FAAP100: variants seen among roughly 807,000 people sequenced by gnomAD.
The protein encoded by FAAP100 is FA core complex associated protein 100.
A neutral mutation model predicts 65.8 loss-of-function variants in FAAP100; 46 were observed. The observed-to-expected ratio is 0.70, with a 90% CI of 0.55 to 0.89. The LOEUF (loss-of-function observed/expected upper bound fraction) is 0.89, where lower values mean the gene tolerates loss of function less well. Among genes scored for constraint, FAAP100 ranks in the 40% least tolerant of loss-of-function variants. The probability of loss-of-function intolerance (pLI) is 0.00; values close to 1 mark genes in which losing one functional copy is unlikely to be tolerated. For missense variants in FAAP100, 1,165 were observed against 1,196.7 expected, an observed-to-expected ratio of 0.97 and a Z score of 0.39; for synonymous variants, 663 against 555.1, an observed-to-expected ratio of 1.19 and a Z score of -2.73.
intron 2 of FAAP100, chr17:81,551,671 A>G (rs2033500171): frequency 7.7e-7 from 1 of 1,300,274 alleles, no homozygotes; most frequent in Non-Finnish European, 9.8e-7. Context: ...CCGGGCCACC[A>G]GGGCCCAAAG....
intron 4 of FAAP100, 49 bp downstream of exon 4, chr17:81,549,157 C>A (rs772488946): frequency 6.2e-7 from 1 of 1,601,036 alleles, no homozygotes; most frequent in Admixed American, 1.7e-5. Flanking sequence ...ACGCTACCTC[C>A]CAAGGATGGC....
At chr17:81,545,678 C>T in intron 6 of FAAP100, 68 bp downstream of exon 6, 2 of 1,542,134 alleles carry the variant, frequency 1.3e-6, no homozygotes, top group Non-Finnish European at 1.8e-6. Flanking sequence ...TCCTCCCGAG[C>T]TCCGGCCCAG....
chr17:81,552,307 G>C lies in FAAP100; in HGVS notation c.24C>G (p.Val8=). The C allele has an allele frequency of 5.6e-6, 8 of 1,422,124 alleles. No homozygotes were observed. Among genetic ancestry groups the C allele is most frequent in the Non-Finnish European group, 7.3e-6 (8 of 1,097,024 alleles). 88.1% of individuals were successfully genotyped at this position (1,422,124 alleles called of 1,614,324 possible). The stretch of plus-strand genomic sequence containing the variant: ...GGCAGCAGAAGCCCGCCAGGTAGCG[G>C]ACCCGCGGCGCGGCGCCGGCCATCG... The part of the protein sequence containing the change: MAGAAPR[V]RYLAGFCCPL... Residue 8 remains valine, a synonymous_variant, in exon 1 of 9, where the codon GTC becomes GTG. Transcript: ENST00000327787.
chr17:81,547,067 G>C lies in FAAP100; in HGVS notation c.2015C>G (p.Thr672Ser), dbSNP rs1458430659. The change falls in exon 5 of 9, where the codon ACC (threonine) becomes AGC (serine). Residue 672 changes from threonine to serine, a missense_variant. Transcript: ENST00000327787. ...CAGAAAAGTGGCCACAGGGTCTCGGGTGGGGCCGAGTGGGGAGGGGGCCCG... is the reference window on the plus strand; with the variant it reads ...CAGAAAAGTGGCCACAGGGTCTCGGCTGGGGCCGAGTGGGGAGGGGGCCCG... ...HTRAPSPLGP[T>S]RDPVATFLET... 2 of 1,543,164 alleles carry C rather than the reference G, an allele frequency of 1.3e-6. No individual in the cohort carries two copies. Among genetic ancestry groups the C allele is most frequent in the South Asian group, 2.4e-5 (2 of 82,010 alleles).
At chr17:81,541,501 C>G in intron 7 of FAAP100, 106 bp from the exon 8 acceptor site, 3 of 966,494 alleles carry the variant, frequency 3.1e-6, no homozygotes, top group Non-Finnish European at 4.8e-6. Flanking sequence ...TGCTGCCTCC[C>G]TGCCTGGCAC....
At position 81,545,806 on chromosome 17, in the gene FAAP100, T is replaced by C; in HGVS notation, c.2250A>G (p.Ala750=). The C allele has an allele frequency of 1.2e-6, 2 of 1,612,316 alleles. No individual in the cohort carries two copies. The highest frequency in any genetic ancestry group is 1.3e-5 in the African/African-American group (1 of 75,030). The change falls in exon 6 of 9, where the codon GCA becomes GCG. Residue 750 remains alanine, a synonymous_variant. Coordinates refer to ENST00000327787, the MANE Select transcript of FAAP100 (RefSeq NM_025161.6). ...NAAVDVVRAR[A]LSSIQGVAPD... Reference sequence around the variant, plus strand: ...GGGCCACTCCCTGGATGGAAGATAGTGCTCGGGCCCTCACGACGTCCACAG... The same window carrying C: ...GGGCCACTCCCTGGATGGAAGATAGCGCTCGGGCCCTCACGACGTCCACAG...
At chr17:81,552,470 C>A (rs369746215), upstream of FAAP100, 1 of 794,060 alleles carries the variant, frequency 1.3e-6, no homozygotes, top group African/African-American at 1.8e-5. Flanking sequence ...CCGGAAAGGA[C>A]GCGCTGCAGG....
intron 7 of FAAP100, among the ~76,000 whole-genome samples, chr17:81,543,410 T>TGACGGATGCCTTCCCGCGGGCAC (rs1451908144): frequency 1.3e-5 from 2 of 152,174 alleles, no homozygotes; most frequent in South Asian, 2.1e-4. Context: ...CGGGCGGGCG[T>TGACGGATGCCTTCCCGCGGGCAC]GACGGATGCC....
chr17:81,550,186 G>C, intron 3 of FAAP100, 62 bp downstream of exon 3: 1 of 1,454,066 alleles, frequency 6.9e-7, no homozygotes, highest in East Asian at 2.3e-5. Flanking sequence ...GATAGTAGCA[G>C]ACAGCCAAAA....
Position 81,545,775 on chromosome 17 carries a change from C to A in FAAP100, c.2281G>T (p.Gly761Cys). 6.2e-7 allele frequency: 1 copy of A among 1,612,320 alleles called. No homozygotes were observed. Among genetic ancestry groups the A allele is most frequent in the Non-Finnish European group, 8.5e-7 (1 of 1,179,784 alleles). The change falls in exon 6 of 9, where the codon GGC becomes TGC. Residue 761 changes from glycine (G) to cysteine (C), a missense_variant. Physicochemically the swap from Gly to Cys is radical, Grantham distance 159. Transcript: ENST00000327787. ...CGGACGATGAGGTGAACGTTGGCGCCATCAGGGGCCACTCCCTGGATGGAA... is the reference window on the plus strand; with the variant it reads ...CGGACGATGAGGTGAACGTTGGCGCAATCAGGGGCCACTCCCTGGATGGAA... ...LSSIQGVAPD[G>C]ANVHLIVREV...
At position 81,547,281 on chromosome 17, in the gene FAAP100, T is replaced by C; in HGVS notation, c.1801A>G (p.Thr601Ala). The change falls in exon 5 of 9, where the codon ACG (threonine) becomes GCG (alanine). Residue 601 changes from threonine to alanine, a missense_variant. Coordinates refer to ENST00000327787, the MANE Select transcript of FAAP100 (RefSeq NM_025161.6). ...GLDLPVTVSC[T>A]LFYSLREVVG... Reference sequence around the variant, plus strand: ...ACCTCCCTGAGACTGTAGAACAGCGTGCAGGACACGGTCACGGGCAGGTCG... The same window carrying C: ...ACCTCCCTGAGACTGTAGAACAGCGCGCAGGACACGGTCACGGGCAGGTCG... 1 of 1,611,328 alleles carries C rather than the reference T, an allele frequency of 6.2e-7. No individual in the cohort carries two copies. Among genetic ancestry groups the C allele is most frequent in the Non-Finnish European group, 8.5e-7 (1 of 1,179,074 alleles).
rs1184587876 is a variant in FAAP100 at position 81,544,093 on chromosome 17, C to T, written c.2338G>A (p.Gly780Arg). Residue 780 changes from glycine to arginine, a missense_variant, in exon 7 of 9, where the codon GGG becomes AGG. By Grantham distance (125) the Gly-to-Arg change is moderately radical. Coordinates refer to ENST00000327787, the MANE Select transcript of FAAP100 (RefSeq NM_025161.6). ...TGAATCTCCACGGCCTGGATGGGCC[C>T]TGCTGGGCACAGGTCAGTCATGGCC... Reference protein sequence around the residue: ...EVAMTDLCPAGPIQAVEIQVE... With the variant: ...EVAMTDLCPARPIQAVEIQVE... 6.2e-7 allele frequency: 1 copy of T among 1,612,574 alleles called. No homozygotes were observed. The highest frequency in any genetic ancestry group is 8.5e-7 in the Non-Finnish European group (1 of 1,179,756).
In FAAP100 at chr17:81,540,073, C is replaced by T. The variant is rs570873116; in HGVS notation, c.*746G>A. 10 of 339,890 alleles carry T rather than the reference C, an allele frequency of 2.9e-5. No individual in the cohort carries two copies. Among genetic ancestry groups the T allele is most frequent in the African/African-American group, 5.4e-5 (2 of 37,126 alleles). The allele number at this position is 339,890 out of a possible 1,614,324, so 21.1% of individuals were successfully genotyped here. A position where few individuals can be genotyped will look rare whatever the true frequency, so the allele number is the denominator to read the frequency against. On this transcript the variant is annotated 3_prime_UTR_variant, in exon 9 of 9. Transcript: ENST00000327787. ...GGAGGCTGGGGGCTGGGGCTCAGGG[C>T]CCCCCCCCGGGCCACAGCGCCACCC...
chr17:81,549,383 G>A, intron 3 of FAAP100, 21 bp from the exon 4 acceptor site: 2 of 1,589,930 alleles, frequency 1.3e-6, no homozygotes, highest in Non-Finnish European at 1.7e-6. Context: ...ACACACATGG[G>A]GCCTGGTCAG....
chr17:81,550,450 G>C lies in FAAP100; in HGVS notation c.1044C>G (p.Leu348=). 6.2e-7 allele frequency: 1 copy of C among 1,612,696 alleles called. No homozygotes were observed. The highest frequency in any genetic ancestry group is 8.5e-7 in the Non-Finnish European group (1 of 1,179,962). Residue 348 remains leucine (L), a synonymous_variant, in exon 3 of 9, where the codon CTC becomes CTG. Coordinates refer to ENST00000327787, the MANE Select transcript of FAAP100 (RefSeq NM_025161.6). The stretch of plus-strand genomic sequence containing the variant: ...GGCCACCCCCGCCACAGGCAGCGCA[G>C]AGCACAGGGCCTGGGAGGCAGTACT... The part of the protein sequence containing the change: ...LREYCLPGPV[L]CAACGGGGRV...
At chr17:81,549,128 A>C (rs980571097) in intron 4 of FAAP100, 78 bp downstream of exon 4, 2 of 1,521,408 alleles carry the variant, frequency 1.3e-6, no homozygotes, top group East Asian at 2.5e-5. Context: ...ACTCACACCC[A>C]GGACGACCCC....
Position 81,550,510 on chromosome 17 carries a change from C to A in FAAP100, c.984G>T (p.Trp328Cys). 4 of 1,612,792 alleles carry A rather than the reference C, an allele frequency of 2.5e-6. No homozygotes were observed. The highest frequency in any genetic ancestry group is 3.4e-6 in the Non-Finnish European group (4 of 1,179,972). Reference sequence around the variant, plus strand: ...CGGGCACCAGCTTCCCGGACTCATCCCAGCTGGCCTTGATGGCCAGCATCC... The same window carrying A: ...CGGGCACCAGCTTCCCGGACTCATCACAGCTGGCCTTGATGGCCAGCATCC... Reference protein sequence around the residue: ...HGRMLAIKASWDESGKLVPEL... With the variant: ...HGRMLAIKASCDESGKLVPEL... The change falls in exon 3 of 9, where the codon TGG becomes TGT. Residue 328 changes from tryptophan to cysteine, a missense_variant. Coordinates refer to ENST00000327787, the MANE Select transcript of FAAP100 (RefSeq NM_025161.6).
Position 81,540,716 on chromosome 17 carries a change from G to C in FAAP100, c.*103C>G. ...GTGGCCAGGTCCTACCTTCCCTGACGGCTCTGGCCAGGCCAGCTCGGTTTC... is the reference window on the plus strand; with the variant it reads ...GTGGCCAGGTCCTACCTTCCCTGACCGCTCTGGCCAGGCCAGCTCGGTTTC... On this transcript the variant is annotated 3_prime_UTR_variant, in exon 9 of 9. Transcript: ENST00000327787. 7.3e-7 allele frequency: 1 copy of C among 1,362,288 alleles called. No individual in the cohort carries two copies. Among genetic ancestry groups the C allele is most frequent in the Non-Finnish European group, 9.5e-7 (1 of 1,047,520 alleles). 84.4% of individuals were successfully genotyped at this position (1,362,288 alleles called of 1,614,324 possible).
At position 81,541,400 on chromosome 17, in the gene FAAP100, G is replaced by A. The variant is rs1478678744; in HGVS notation, c.2428-5C>T. 6.2e-7 allele frequency: 1 copy of A among 1,600,890 alleles called. No individual in the cohort carries two copies. Among genetic ancestry groups the A allele is most frequent in the East Asian group, 2.2e-5 (1 of 44,776 alleles). On this transcript the variant is annotated splice_polypyrimidine_tract_variant and splice_region_variant and intron_variant, in intron 7 of 8. Coordinates refer to ENST00000327787, the MANE Select transcript of FAAP100 (RefSeq NM_025161.6). ...GGCCTGCTCTGTCACCATCGTCTGG[G>A]GGACACAGGAGACATGCTGGAGAGG...
Sources: gnomAD v4.1 joint callset for allele counts (sites outside exome capture counted in the v4.1 genomes callset) on GRCh38, gnomAD v4.1.1 for gene constraint, MANE v1.5 for transcripts, NCBI Gene and HGNC (gene_info 2026-07-23, HGNC 2026-07-21) for gene names.